Variants in VPS41 observed in about 807,000 individuals in gnomAD.
The protein encoded by VPS41 is vacuolar protein sorting-associated protein 41 homolog.
A neutral mutation model predicts 130.9 loss-of-function variants in VPS41; 85 were observed. The observed-to-expected ratio is 0.65, with a 90% CI of 0.55 to 0.78. The LOEUF (loss-of-function observed/expected upper bound fraction) is 0.78. Among genes scored for constraint, VPS41 ranks in the 30% least tolerant of loss-of-function variants. VPS41 has a pLI of 0.00. For missense variants in VPS41, 874 were observed against 1,018.7 expected (o/e 0.86, Z 1.93); for synonymous variants, 335 against 332.9 (o/e 1.01, Z -0.07).
At position 38,852,060 on chromosome 7, in the gene VPS41, A is replaced by G. The variant is rs1785867656; in HGVS notation, c.246+10485T>C. ...GGAAGTATAGCCGCACCAGAACAACATGGTTCAACTTCTGGGTGACAAAGT... is the reference window on the plus strand; with the variant it reads ...GGAAGTATAGCCGCACCAGAACAACGTGGTTCAACTTCTGGGTGACAAAGT... On this transcript the variant is annotated intron_variant, in intron 4 of 28. Coordinates refer to ENST00000310301, the MANE Select transcript of VPS41 (RefSeq NM_014396.4). 2.0e-5 allele frequency among the ~76,000 whole-genome samples: 3 copies of G among 152,236 alleles called. No homozygotes were observed. In the South Asian group the frequency reaches 6.2e-4, roughly 32 times the overall value.
intron 22 of VPS41, among the ~76,000 whole-genome samples, chr7:38,747,152 T>C (rs192619412): frequency 1.3e-5 from 2 of 152,280 alleles, no homozygotes; most frequent in Non-Finnish European, 2.9e-5. Flanking sequence ...TCAATCACCA[T>C]TGTAAATGAT....
intron 25 of VPS41, among the ~76,000 whole-genome samples, chr7:38,736,765 A>AT (rs1367729539): frequency 2.0e-5 from 3 of 152,266 alleles, no homozygotes; most frequent in African/African-American, 7.2e-5. Context: ...GATGAGAATC[A>AT]TAATTGTAAA....
chr7:38,880,156 G>T (rs1562621324), intron 2 of VPS41, among the ~76,000 whole-genome samples: 2 of 152,056 alleles, frequency 1.3e-5, no homozygotes, highest in Non-Finnish European at 2.9e-5. Flanking sequence ...AATACCCAGT[G>T]AATGTGAAAT....
intron 7 of VPS41, among the ~76,000 whole-genome samples, chr7:38,815,021 A>G (rs543378821): frequency 1.3e-5 from 2 of 152,298 alleles, no homozygotes; most frequent in African/African-American, 4.8e-5. Context: ...AGGGCCTAAC[A>G]GCTAAGCCAC....
At chr7:38,854,924 A>G (rs1226493884) in intron 4 of VPS41, among the ~76,000 whole-genome samples, 1 of 152,008 alleles carries the variant, frequency 6.6e-6, no homozygotes, top group Non-Finnish European at 1.5e-5. Context: ...TAAAAAAAAA[A>G]AGTGGGCCAG....
At chr7:38,846,350 A>G (rs1217741790) in intron 4 of VPS41, among the ~76,000 whole-genome samples, 4 of 151,868 alleles carry the variant, frequency 2.6e-5, no homozygotes, top group East Asian at 1.9e-4. Flanking sequence ...TTGCTGAAGG[A>G]GTAAGAAGCA....
intron 4 of VPS41, among the ~76,000 whole-genome samples, chr7:38,851,037 A>T (rs1048964194): frequency 6.6e-6 from 1 of 152,164 alleles, no homozygotes; most frequent in African/African-American, 2.4e-5. Context: ...ACCTCATAGA[A>T]CTTATTCAAA....
intron 23 of VPS41, 24 bp from the exon 24 acceptor site, chr7:38,743,566 A>G (rs745616844): frequency 6.2e-7 from 1 of 1,608,974 alleles, no homozygotes; most frequent in East Asian, 2.2e-5. Context: ...AGATGGGAGA[A>G]AGAGTTCATT....
At chr7:38,849,260 C>A (rs1047978050) in intron 4 of VPS41, among the ~76,000 whole-genome samples, 2 of 152,094 alleles carry the variant, frequency 1.3e-5, no homozygotes, top group Admixed American at 1.3e-4. Flanking sequence ...GACCCCACGG[C>A]AGCATCTAGG....
chr7:38,827,249 T>G (rs1192367171), intron 5 of VPS41, among the ~76,000 whole-genome samples: 1 of 152,170 alleles, frequency 6.6e-6, no homozygotes, highest in Non-Finnish European at 1.5e-5. Flanking sequence ...GACACAAAAC[T>G]GACTTTGGAA....
intron 17 of VPS41, among the ~76,000 whole-genome samples, chr7:38,758,943 T>C (rs1471083203): frequency 6.6e-6 from 1 of 152,238 alleles, no homozygotes; most frequent in Non-Finnish European, 1.5e-5. Context: ...GGAAGCTCCA[T>C]GCCTCTTCCC....
Position 38,767,525 on chromosome 7 carries a change from T to G in VPS41, c.1247+12A>C. The G allele has an allele frequency of 6.4e-7, 1 of 1,570,152 alleles. No individual in the cohort carries two copies. Among genetic ancestry groups the G allele is most frequent in the South Asian group, 1.2e-5 (1 of 85,666 alleles). On this transcript the variant is annotated intron_variant, in intron 15 of 28. Transcript: ENST00000310301. ...TTATATTAACAAATAATTGTGAAAA[T>G]GTCATCATTACCGTGCTGCTATGTC...
intron 4 of VPS41, among the ~76,000 whole-genome samples, chr7:38,837,891 C>G (rs1292998809): frequency 6.6e-6 from 1 of 151,980 alleles, no homozygotes; most frequent in Non-Finnish European, 1.5e-5. Context: ...TGTTTCTAAT[C>G]AGAAGATAGT....
chr7:38,730,172 T>C (rs1047390474), intron 25 of VPS41, among the ~76,000 whole-genome samples: 2 of 152,188 alleles, frequency 1.3e-5, no homozygotes, highest in African/African-American at 4.8e-5. Flanking sequence ...AGTGCCACTG[T>C]TTAGAGGGGG....
chr7:38,883,965 T>TGCTATGTGGAA (rs1186736454), intron 2 of VPS41, among the ~76,000 whole-genome samples: 1 of 152,250 alleles, frequency 6.6e-6, no homozygotes, highest in East Asian at 1.9e-4. Flanking sequence ...GTAAGCCAAG[T>TGCTATGTGGAA]GCTATGTGGA....
intron 14 of VPS41, among the ~76,000 whole-genome samples, chr7:38,769,641 G>A (rs1457341491): frequency 6.6e-6 from 1 of 152,176 alleles, no homozygotes; most frequent in African/African-American, 2.4e-5. Flanking sequence ...CAAAGCCTGG[G>A]AGTCAGCCTA....
intron 7 of VPS41, among the ~76,000 whole-genome samples, chr7:38,801,074 G>A (rs1784716367): frequency 6.6e-6 from 1 of 152,152 alleles, no homozygotes; most frequent in African/African-American, 2.4e-5. Context: ...AGGAAGCAGA[G>A]GTGGCAGAAC....
At chr7:38,742,184 C>A (rs921800705) in intron 24 of VPS41, 63 bp from the exon 25 acceptor site, 6 of 1,428,342 alleles carry the variant, frequency 4.2e-6, no homozygotes, top group East Asian at 2.4e-5. Flanking sequence ...TTTATTTGCA[C>A]ATAATTTGCA....
chr7:38,845,597 C>T (rs529221768), intron 4 of VPS41, among the ~76,000 whole-genome samples: 1 of 152,320 alleles, frequency 6.6e-6, no homozygotes, highest in East Asian at 1.9e-4. Context: ...GCACTGTGGT[C>T]TCCCCAAGAT....
Sources: allele counts gnomAD v4.1 joint callset (sites outside exome capture counted in the v4.1 genomes callset), GRCh38; gene constraint gnomAD v4.1.1; transcripts MANE v1.5; gene names NCBI Gene and HGNC (gene_info 2026-07-23, HGNC 2026-07-21).